APOO: variants seen among roughly 807,000 people sequenced by gnomAD.
The protein encoded by APOO is apolipoprotein O, also known as MICOS complex subunit MIC26.
APOO carries 11 observed loss-of-function variants against 23.1 expected under a neutral mutation model. That is an observed-to-expected ratio of 0.48 (90% CI 0.30 to 0.79). The LOEUF is 0.79. Ranked by LOEUF, APOO falls within the 30% of genes least tolerant of loss-of-function variation. The pLI is 0.07. For synonymous variants in APOO, 59 were observed against 54.8 expected (o/e 1.08, Z -0.34); for missense variants, 160 against 142.7 (o/e 1.12, Z -0.62).
rs191045469 is a variant in APOO, at chrX:23,878,932, A to G, written c.220T>C (p.Tyr74His). 85 of 1,208,886 alleles carry G rather than the reference A, an allele frequency of 7.0e-5. 2 individuals are homozygous for G. The East Asian group carries it at 1.7e-3, about 24-fold the overall frequency. The stretch of plus-strand genomic sequence containing the variant: ...AGTTGTACCTGACACCAGGTTGTGT[A>G]TGGCTCGCAATAGTGTCGGAGCTGT... ...ISQLRHYCEPYTTWCQETYSQ... is the reference protein window; with the variant it reads ...ISQLRHYCEPHTTWCQETYSQ... The change falls in exon 3 of 9, where the codon TAC becomes CAC. Residue 74 changes from tyrosine (Y) to histidine (H), a missense_variant. Coordinates refer to ENST00000379226, the MANE Select transcript of APOO (RefSeq NM_024122.5).
chrX:23,878,112 T>A (rs1248972308), intron 3 of APOO, among the ~76,000 whole-genome samples: 1 of 112,378 alleles, frequency 8.9e-6, no homozygotes. Context: ...CCTATTTTAG[T>A]ATAGCATTCA....
intron 7 of APOO, among the ~76,000 whole-genome samples, chrX:23,850,970 TTA>T (rs764306274): frequency 9.0e-6 from 1 of 111,012 alleles, no homozygotes; most frequent in African/African-American, 3.3e-5. Flanking sequence ...CTAGATAAAC[TTA>T]TATATATATA....
At position 23,864,365 on chromosome X, in the gene APOO, C is replaced by T. The variant is rs758950950; in HGVS notation, c.388+4228G>A. On this transcript the variant is annotated intron_variant, in intron 5 of 8. Coordinates refer to ENST00000379226, the MANE Select transcript of APOO (RefSeq NM_024122.5). ...TTGCTCAGGCTGGAGTGCAGTGGTG[C>T]GATCTCGGCTTGCTGCAACCTCTGC... Among the ~76,000 whole-genome samples the T allele has an allele frequency of 4.4e-4, 49 of 110,699 alleles. 1 individual carries two copies. The highest frequency in any genetic ancestry group is 3.7e-3 in the Admixed American group (38 of 10,276).
At position 23,866,403 on chromosome X, in the gene APOO, C is replaced by T. The variant is rs1925336722; in HGVS notation, c.388+2190G>A. On this transcript the variant is annotated intron_variant, in intron 5 of 8. Transcript: ENST00000379226. ...ATGAGATGGGAGGAGGGCACAAAGA[C>T]TGTGACATGAGTTGCTTCCACAGGT... Among the ~76,000 whole-genome samples the T allele has an allele frequency of 1.8e-5, 2 of 112,150 alleles. 1 individual carries two copies. The highest frequency in any genetic ancestry group is 1.9e-4 in the Admixed American group (2 of 10,530).
At chrX:23,887,174 C>T (rs1483401852) in intron 1 of APOO, among the ~76,000 whole-genome samples, 6 of 106,716 alleles carry the variant, frequency 5.6e-5, no homozygotes, top group Admixed American at 4.1e-4. Flanking sequence ...ATGATATAAT[C>T]GGACTGAATA....
At chrX:23,874,281 C>T in intron 4 of APOO, 122 bp downstream of exon 4, 1 of 665,868 alleles carries the variant, frequency 1.5e-6, no homozygotes, top group Non-Finnish European at 2.3e-6. Context: ...CCACATAGCT[C>T]TAAAATTCTG....
intron 5 of APOO, among the ~76,000 whole-genome samples, chrX:23,865,029 C>T (rs1925273083): frequency 9.0e-6 from 1 of 111,567 alleles, no homozygotes; most frequent in Non-Finnish European, 1.9e-5. Flanking sequence ...TAATCATACT[C>T]CCCTGCCCCC....
chrX:23,875,401 T>A (rs902599866), intron 3 of APOO, among the ~76,000 whole-genome samples: 4 of 104,298 alleles, frequency 3.8e-5, no homozygotes, highest in African/African-American at 1.0e-4. Context: ...ATTTTTTTTT[T>A]ATTTTTATTT....
chrX:23,881,025 C>A, intron 1 of APOO, 73 bp from the exon 2 acceptor site: 2 of 616,649 alleles, frequency 3.2e-6, no homozygotes, highest in East Asian at 3.8e-5. Flanking sequence ...ATATTCATAA[C>A]CTCAGCCACT....
At chrX:23,845,088 C>T (rs1007082493) in intron 7 of APOO, among the ~76,000 whole-genome samples, 11 of 111,764 alleles carry the variant, frequency 9.8e-5, no homozygotes, top group Non-Finnish European at 1.7e-4. Context: ...CTGGTGCTCC[C>T]GCTCCTCTTA....
At chrX:23,897,348 G>C (rs1210960797) in intron 1 of APOO, among the ~76,000 whole-genome samples, 1 of 112,268 alleles carries the variant, frequency 8.9e-6, no homozygotes, top group Non-Finnish European at 1.9e-5. Context: ...GCCAAAGAGT[G>C]AGATAATTGT....
intron 5 of APOO, among the ~76,000 whole-genome samples, chrX:23,866,481 G>A (rs1384884862): frequency 8.9e-6 from 1 of 111,748 alleles, no homozygotes; most frequent in Non-Finnish European, 1.9e-5. Context: ...AAAAATAACA[G>A]CCATTAGCTG....
At chrX:23,873,647 T>C (rs1925718612) in intron 4 of APOO, among the ~76,000 whole-genome samples, 1 of 111,112 alleles carries the variant, frequency 9.0e-6, no homozygotes. Flanking sequence ...GCTATTGTTA[T>C]GTTTGTCTTC....
At chrX:23,868,993 C>T (rs907440852) in intron 4 of APOO, among the ~76,000 whole-genome samples, 10 of 107,464 alleles carry the variant, frequency 9.3e-5, no homozygotes, top group African/African-American at 3.4e-4. Context: ...ACTGCAACCT[C>T]TGCCTCCCAG....
chrX:23,907,788 C>A lies in APOO; in HGVS notation c.-86G>T. 1 of 1,039,221 alleles carries A rather than the reference C, an allele frequency of 9.6e-7. No individual in the cohort carries two copies. Among genetic ancestry groups the A allele is most frequent in the East Asian group, 3.6e-5 (1 of 27,519 alleles). 85.6% of individuals were successfully genotyped at this position (1,039,221 alleles called of 1,213,427 possible). On this transcript the variant is annotated 5_prime_UTR_variant, in exon 1 of 9. Transcript: ENST00000379226. Reference sequence around the variant, plus strand: ...AGGTGACTACGGAGGCCCGGTAGGGCCTTGATTTCTCCAACCGCAAGCAGG... The same window carrying A: ...AGGTGACTACGGAGGCCCGGTAGGGACTTGATTTCTCCAACCGCAAGCAGG...
intron 5 of APOO, among the ~76,000 whole-genome samples, chrX:23,860,495 T>C (rs1924966580): frequency 9.2e-6 from 1 of 108,824 alleles, no homozygotes; most frequent in Non-Finnish European, 1.9e-5. Flanking sequence ...TGGAGTAACA[T>C]AGCGAGACTC....
At chrX:23,875,715 C>T (rs999542444) in intron 3 of APOO, among the ~76,000 whole-genome samples, 1 of 110,143 alleles carries the variant, frequency 9.1e-6, no homozygotes, top group Non-Finnish European at 1.9e-5. Flanking sequence ...CTACTGCGCC[C>T]GGCCTGGAAA....
chrX:23,863,696 G>C (rs768961636), intron 5 of APOO, among the ~76,000 whole-genome samples: 48 of 110,806 alleles, frequency 4.3e-4, no homozygotes, highest in African/African-American at 1.4e-3. Flanking sequence ...CCAAGGAGAA[G>C]ATGACATGGA....
intron 4 of APOO, among the ~76,000 whole-genome samples, chrX:23,873,512 T>C (rs1477864013): frequency 9.2e-6 from 1 of 108,656 alleles, no homozygotes; most frequent in Non-Finnish European, 1.9e-5. Flanking sequence ...GAAGCTAAGG[T>C]GGGAGAATCG....
Sources: allele counts gnomAD v4.1 joint callset (sites outside exome capture counted in the v4.1 genomes callset), GRCh38; gene constraint gnomAD v4.1.1; transcripts MANE v1.5; gene names NCBI Gene and HGNC (gene_info 2026-07-23, HGNC 2026-07-21).